The following CDH4 variants were observed in gnomAD, a reference collection of about 807,000 sequenced individuals.
CDH4 encodes the protein cadherin-4.
In CDH4, 33 loss-of-function variants were observed where a neutral mutation model predicts 86.0. The observed-to-expected ratio is 0.38, with a 90% confidence interval of 0.29 to 0.51. The LOEUF (loss-of-function observed/expected upper bound fraction) is 0.51. Ranked by LOEUF, CDH4 falls within the 20% of genes least tolerant of loss-of-function variation. CDH4 has a pLI of 0.86. For synonymous variants in CDH4, 555 were observed against 549.4 expected, an observed-to-expected ratio of 1.01 and a Z score of -0.14; for missense variants, 1,114 against 1,307.4, an observed-to-expected ratio of 0.85 and a Z score of 2.28.
intron 2 of CDH4, among the ~76,000 whole-genome samples, chr20:61,580,134 A>G (rs2086414751): frequency 6.6e-6 from 1 of 151,560 alleles, no homozygotes; most frequent in Non-Finnish European, 1.5e-5. Context: ...AAAAAAAAAA[A>G]GGAATCTGTA....
intron 2 of CDH4, among the ~76,000 whole-genome samples, chr20:61,458,543 GTGA>G (rs772199507): frequency 1.9e-4 from 29 of 152,202 alleles, no homozygotes; most frequent in Non-Finnish European, 3.8e-4. Flanking sequence ...ACTGGTGGTG[GTGA>G]TGATAATGGA....
chr20:61,830,496 G>T (rs1026358182), intron 4 of CDH4, among the ~76,000 whole-genome samples: 13 of 152,166 alleles, frequency 8.5e-5, no homozygotes, highest in African/African-American at 3.1e-4. Context: ...CCCAGGACCT[G>T]GCCAGCCCAG....
In CDH4 at chr20:61,383,152, G is replaced by A. The variant is rs1403611772; in HGVS notation, c.169+128215G>A. On this transcript the variant is annotated intron_variant, in intron 2 of 15. Coordinates refer to ENST00000614565, the MANE Select transcript of CDH4 (RefSeq NM_001794.5). Reference sequence around the variant, plus strand: ...ATATATTATATATATGAATATATATGAATATATTATATATATGAATATATT... The same window carrying A: ...ATATATTATATATATGAATATATATAAATATATTATATATATGAATATATT... Among the ~76,000 whole-genome samples the A allele has an allele frequency of 3.6e-5, 3 of 84,146 alleles. 1 individual carries two copies. The highest frequency in any genetic ancestry group is 1.2e-4 in the Admixed American group (1 of 8,374). The allele number at this position is 84,146 out of a possible 152,430, so 55.2% of individuals were successfully genotyped here. A position where few individuals can be genotyped will look rare whatever the true frequency, so the allele number is the denominator to read the frequency against.
intron 2 of CDH4, among the ~76,000 whole-genome samples, chr20:61,263,462 T>C (rs2084139109): frequency 6.6e-6 from 1 of 152,094 alleles, no homozygotes; most frequent in East Asian, 1.9e-4. Flanking sequence ...AGCTGTTGTT[T>C]GGGGGGACTT....
rs554360082 is a variant in CDH4, at chr20:61,883,711, G to A, written c.1050+9811G>A. On this transcript the variant is annotated intron_variant, in intron 7 of 15. Coordinates refer to ENST00000614565, the MANE Select transcript of CDH4 (RefSeq NM_001794.5). ...TGTTCTCCTCTATGACCCAGGGGTGGGGGGCCAAGAGAGGCCCCAGGGAGG... is the reference window on the plus strand; with the variant it reads ...TGTTCTCCTCTATGACCCAGGGGTGAGGGGCCAAGAGAGGCCCCAGGGAGG... Among the ~76,000 whole-genome samples the A allele has an allele frequency of 1.2e-4, 19 of 152,278 alleles. No individual in the cohort carries two copies. The East Asian group carries it at 2.1e-3, about 17-fold the overall frequency.
chr20:61,720,360 C>T (rs911419980), intron 2 of CDH4, among the ~76,000 whole-genome samples: 4 of 151,984 alleles, frequency 2.6e-5, no homozygotes, highest in African/African-American at 9.7e-5. Flanking sequence ...GAGAGTGATG[C>T]AGGGGACACG....
Position 61,743,567 on chromosome 20 carries a change from G to A in CDH4, c.174G>A (p.Lys58=). 6.4e-7 allele frequency: 1 copy of A among 1,560,444 alleles called. No individual in the cohort carries two copies. Among genetic ancestry groups the A allele is most frequent in the Non-Finnish European group, 8.7e-7 (1 of 1,151,132 alleles). The change falls in exon 3 of 16, where the codon AAG becomes AAA. Residue 58 remains lysine, a synonymous_variant. Coordinates refer to ENST00000614565, the MANE Select transcript of CDH4 (RefSeq NM_001794.5). The stretch of plus-strand genomic sequence containing the variant: ...TCTCTCCCCCTCCTCTTGCAGTCAA[G>A]TTCAGCAGCTGTGTGGGGACCAAGG... ...ILEGEKLLQV[K]FSSCVGTKGT...
chr20:61,514,979 G>T (rs1402172089), intron 2 of CDH4, among the ~76,000 whole-genome samples: 1 of 152,178 alleles, frequency 6.6e-6, no homozygotes, highest in Non-Finnish European at 1.5e-5. Context: ...GCGGGGGCGG[G>T]TGGCACGGCT....
chr20:61,743,621 C>T lies in CDH4; in HGVS notation c.228C>T (p.Asp76=), dbSNP rs1181034089. Residue 76 remains aspartate, a synonymous_variant, in exon 3 of 16, where the codon GAC becomes GAT. Coordinates refer to ENST00000614565, the MANE Select transcript of CDH4 (RefSeq NM_001794.5). ...KGTQYETNSM[D]FKVGADGTVF... ...CACAATATGAGACCAACAGCATGGA[C>T]TTCAAAGTTGGGGCAGATGGGACAG... 6.3e-7 allele frequency: 1 copy of T among 1,588,154 alleles called. No individual in the cohort carries two copies. The highest frequency in any genetic ancestry group is 1.3e-5 in the African/African-American group (1 of 74,576).
chr20:61,867,789 A>G (rs1219224306), intron 6 of CDH4, among the ~76,000 whole-genome samples: 1 of 152,210 alleles, frequency 6.6e-6, no homozygotes, highest in East Asian at 1.9e-4. Flanking sequence ...CTAATGTGAT[A>G]AAAGCCACTG....
intron 2 of CDH4, among the ~76,000 whole-genome samples, chr20:61,288,194 T>A (rs2084303156): frequency 1.6e-5 from 1 of 62,230 alleles, no homozygotes; most frequent in Non-Finnish European, 3.9e-5. Context: ...CCAGTTACAT[T>A]TTCCCAGAAA....
At chr20:61,796,297 C>A (rs1016070968) in intron 4 of CDH4, among the ~76,000 whole-genome samples, 1 of 152,200 alleles carries the variant, frequency 6.6e-6, no homozygotes, top group Middle Eastern at 3.2e-3. Flanking sequence ...CCTTCTGCAT[C>A]CAGGGCACAT....
intron 4 of CDH4, among the ~76,000 whole-genome samples, chr20:61,817,531 G>A (rs66847354): frequency 0.41 from 62,431 of 151,602 alleles, 15,712 homozygotes; most frequent in Non-Finnish European, 0.57. Flanking sequence ...AAGAGACCTC[G>A]TTCTATTGCT....
chr20:61,542,727 C>G (rs763808213), intron 2 of CDH4, among the ~76,000 whole-genome samples: 3 of 152,188 alleles, frequency 2.0e-5, no homozygotes, highest in Non-Finnish European at 4.4e-5. Flanking sequence ...ATAAATAGCT[C>G]TGGCCTTATT....
At chr20:61,885,987 C>T (rs147075647) in intron 7 of CDH4, among the ~76,000 whole-genome samples, 132 of 152,346 alleles carry the variant, frequency 8.7e-4, no homozygotes, top group Non-Finnish European at 1.6e-3. Flanking sequence ...CAGCAGCCGC[C>T]GTCGTGCTGG....
In CDH4 at chr20:61,739,924, G is replaced by A. The variant is rs371196488; in HGVS notation, c.170-3639G>A. On this transcript the variant is annotated intron_variant, in intron 2 of 15. Coordinates refer to ENST00000614565, the MANE Select transcript of CDH4 (RefSeq NM_001794.5). The stretch of plus-strand genomic sequence containing the variant: ...GGCAAAGCAGAATCCAAATAAGTCA[G>A]TGCCAGGCAACACCGTCAGGAGCGT... Among the ~76,000 whole-genome samples, 39 of 152,358 alleles carry A rather than the reference G, an allele frequency of 2.6e-4. No homozygotes were observed. The South Asian group carries it at 7.9e-3, about 31-fold the overall frequency.
chr20:61,856,995 C>G (rs1983043531), intron 6 of CDH4, among the ~76,000 whole-genome samples: 1 of 152,256 alleles, frequency 6.6e-6, no homozygotes, highest in Non-Finnish European at 1.5e-5. Context: ...GCTGCAGCCA[C>G]CATGGCCTTG....
Position 61,271,202 on chromosome 20 carries a change from T to C in CDH4, c.169+16265T>C, listed in dbSNP as rs113010299. Among the ~76,000 whole-genome samples the C allele has an allele frequency of 9.0e-3, 1,371 of 152,232 alleles. 15 individuals carry two copies. The highest frequency in any genetic ancestry group is 0.031 in the African/African-American group (1,285 of 41,530). ...CTGGGAGAATAAGGACTTCTTCCTATCGGCATCTCTACCCCCATGGCCCCA... is the reference window on the plus strand; with the variant it reads ...CTGGGAGAATAAGGACTTCTTCCTACCGGCATCTCTACCCCCATGGCCCCA... On this transcript the variant is annotated intron_variant, in intron 2 of 15. Transcript: ENST00000614565.
intron 4 of CDH4, among the ~76,000 whole-genome samples, chr20:61,833,409 C>G (rs868452352): frequency 4.6e-5 from 7 of 152,208 alleles, no homozygotes; most frequent in African/African-American, 1.7e-4. Context: ...GTATGCAGAG[C>G]TCTCCGGGGG....
Sources: gnomAD v4.1 joint callset for allele counts (sites outside exome capture counted in the v4.1 genomes callset) on GRCh38, gnomAD v4.1.1 for gene constraint, MANE v1.5 for transcripts, NCBI Gene and HGNC (gene_info 2026-07-23, HGNC 2026-07-21) for gene names.